LHCGR: variants seen among roughly 807,000 people sequenced by gnomAD.
LHCGR encodes lutropin-choriogonadotropic hormone receptor.
In LHCGR, 55 loss-of-function variants were observed where a neutral mutation model predicts 60.7. The ratio of observed to expected loss-of-function variants is 0.91; its 90% confidence interval spans 0.73 to 1.13. The LOEUF (loss-of-function observed/expected upper bound fraction) is 1.13, where lower values mean the gene tolerates loss of function less well. Among genes scored for constraint, LHCGR ranks in the 50% most tolerant of loss-of-function variants. The probability of loss-of-function intolerance (pLI) is 0.00; values close to 1 mark genes in which losing one functional copy is unlikely to be tolerated. For synonymous variants in LHCGR, 337 were observed against 316.5 expected (o/e 1.06, Z -0.69); for missense variants, 862 against 836.0 (o/e 1.03, Z -0.38).
rs1488326012 is a variant in LHCGR, at chr2:48,743,247, C to T, written c.162-11949G>A. On this transcript the variant is annotated intron_variant, in intron 1 of 10. Transcript: ENST00000294954. Reference sequence around the variant, plus strand: ...GTCCAGGACCAGATGGATTCACAGCCGAATTCTACCAGAGGTACAAGGAGG... The same window carrying T: ...GTCCAGGACCAGATGGATTCACAGCTGAATTCTACCAGAGGTACAAGGAGG... Among the ~76,000 whole-genome samples the T allele has an allele frequency of 2.8e-4, 42 of 151,754 alleles. No individual in the cohort carries two copies. In the East Asian group the frequency reaches 6.0e-3, roughly 22 times the overall value.
chr2:48,753,369 G>A (rs2103755615), intron 1 of LHCGR, among the ~76,000 whole-genome samples: 1 of 152,276 alleles, frequency 6.6e-6, no homozygotes, highest in East Asian at 1.9e-4. Context: ...GCCTGCATAG[G>A]CTCAACCTCC....
chr2:48,749,759 A>G (rs1381429901), intron 1 of LHCGR, among the ~76,000 whole-genome samples: 1 of 151,572 alleles, frequency 6.6e-6, no homozygotes, highest in African/African-American at 2.4e-5. Flanking sequence ...CCAAGGAATT[A>G]CTACTCTCCA....
intron 6 of LHCGR, among the ~76,000 whole-genome samples, chr2:48,722,527 A>G (rs1006648521): frequency 6.6e-6 from 1 of 152,096 alleles, no homozygotes; most frequent in East Asian, 1.9e-4. Context: ...CCATCCCCCT[A>G]GTGCTGTTCT....
chr2:48,726,421 G>A (rs547425246), intron 3 of LHCGR, among the ~76,000 whole-genome samples: 147 of 152,310 alleles, frequency 9.7e-4, no homozygotes, highest in African/African-American at 3.2e-3. Flanking sequence ...AGAACAGGTA[G>A]AGATAATATG....
intron 3 of LHCGR, among the ~76,000 whole-genome samples, chr2:48,725,965 T>G (rs1192832178): frequency 6.6e-6 from 1 of 152,130 alleles, no homozygotes; most frequent in African/African-American, 2.4e-5. Context: ...CTCTCAAGCT[T>G]CTAAAGAGGT....
intron 1 of LHCGR, among the ~76,000 whole-genome samples, chr2:48,752,875 GAA>G (rs374661878): frequency 0.012 from 1,792 of 145,316 alleles, 43 homozygotes; most frequent in African/African-American, 0.043. Flanking sequence ...CCTCTTTGAG[GAA>G]AAAAAAAACT....
At chr2:48,702,000 C>T (rs144741439) in intron 8 of LHCGR, among the ~76,000 whole-genome samples, 3 of 152,272 alleles carry the variant, frequency 2.0e-5, no homozygotes, top group African/African-American at 7.2e-5. Context: ...CTGTTCACCA[C>T]GGTGCCTGGT....
At position 48,698,595 on chromosome 2, in the gene LHCGR, A is replaced by G; in HGVS notation, c.866+20T>C. ...TTCTGCCACAGCTTGGGTAGGCTTT[A>G]CCTTTTGGTTTCTACTTACTCTTTT... is the stretch of plus-strand genomic sequence containing the variant. On this transcript the variant is annotated intron_variant, in intron 9 of 10. Coordinates refer to ENST00000294954, the MANE Select transcript of LHCGR (RefSeq NM_000233.4). The G allele has an allele frequency of 1.2e-6, 2 of 1,605,966 alleles. No individual in the cohort carries two copies. The highest frequency in any genetic ancestry group is 1.7e-6 in the Non-Finnish European group (2 of 1,173,114).
At chr2:48,702,587 T>C (rs1424040111) in intron 8 of LHCGR, among the ~76,000 whole-genome samples, 1 of 152,202 alleles carries the variant, frequency 6.6e-6, no homozygotes, top group Non-Finnish European at 1.5e-5. Context: ...GCAAAGGACA[T>C]GAACTTATCC....
chr2:48,704,648 T>C (rs1444068023), intron 8 of LHCGR, among the ~76,000 whole-genome samples: 1 of 152,240 alleles, frequency 6.6e-6, no homozygotes, highest in Non-Finnish European at 1.5e-5. Flanking sequence ...ATTTATCCAT[T>C]TCTTCTAGAT....
chr2:48,706,299 C>G (rs1308157993), intron 8 of LHCGR, among the ~76,000 whole-genome samples: 2 of 152,142 alleles, frequency 1.3e-5, no homozygotes, highest in African/African-American at 4.8e-5. Flanking sequence ...GTGGGTAACC[C>G]AACCCTTCTC....
At position 48,723,470 on chromosome 2, in the gene LHCGR, A is replaced by G. The variant is rs1668587692; in HGVS notation, c.522T>C (p.Asn174=). ...IPGNAFQGMN[N]ESVTLKLYGN... ...AGTTTACTCACAGTGTTACAGATTC[A>G]TTATTCATCCCTTGAAAAGCATTTC... Residue 174 remains asparagine (N), a synonymous_variant, in exon 6 of 11, where the codon AAT becomes AAC. Coordinates refer to ENST00000294954, the MANE Select transcript of LHCGR (RefSeq NM_000233.4). 1 of 1,609,592 alleles carries G rather than the reference A, an allele frequency of 6.2e-7. No individual in the cohort carries two copies. The highest frequency in any genetic ancestry group is 1.3e-5 in the African/African-American group (1 of 74,994).
At chr2:48,707,490 C>A (rs544627775) in intron 8 of LHCGR, among the ~76,000 whole-genome samples, 1 of 152,218 alleles carries the variant, frequency 6.6e-6, no homozygotes, top group African/African-American at 2.4e-5. Flanking sequence ...GAAGTTGTGC[C>A]CACAGCTGCC....
intron 1 of LHCGR, among the ~76,000 whole-genome samples, chr2:48,745,777 C>T (rs967712647): frequency 6.6e-6 from 1 of 150,854 alleles, no homozygotes; most frequent in Non-Finnish European, 1.5e-5. Context: ...AGCGCACCAG[C>T]ATGGCACATG....
Position 48,687,752 on chromosome 2 carries a change from G to C in LHCGR, c.2045C>G (p.Thr682Arg). 1 of 1,614,112 alleles carries C rather than the reference G, an allele frequency of 6.2e-7. No homozygotes were observed. Among genetic ancestry groups the C allele is most frequent in the Admixed American group, 1.7e-5 (1 of 60,022 alleles). ...GAGAGCTGTACCTTGACAGTGCAAT[G>C]TGGACAACTTCAAGGTGGATTGAGA... ...KPSQSTLKLS[T>R]LHCQGTALLD... Residue 682 changes from threonine to arginine, a missense_variant, in exon 11 of 11, where the codon ACA (threonine) becomes AGA (arginine). Transcript: ENST00000294954.
At chr2:48,743,724 C>G (rs1669576264) in intron 1 of LHCGR, among the ~76,000 whole-genome samples, 9 of 152,024 alleles carry the variant, frequency 5.9e-5, no homozygotes, top group Non-Finnish European at 1.5e-5. Context: ...ATGACAAACC[C>G]ACAGCCAATA....
At chr2:48,699,277 T>G (rs1213146936) in intron 8 of LHCGR, among the ~76,000 whole-genome samples, 3 of 152,150 alleles carry the variant, frequency 2.0e-5, no homozygotes, top group African/African-American at 7.2e-5. Context: ...GAGTCTGTAT[T>G]TTTTCTCATG....
At chr2:48,709,396 G>A (rs1018139059) in intron 7 of LHCGR, among the ~76,000 whole-genome samples, 1 of 152,208 alleles carries the variant, frequency 6.6e-6, no homozygotes, top group Non-Finnish European at 1.5e-5. Flanking sequence ...CCTACTCTTT[G>A]TTAGCCTCTC....
rs150570778 is a variant in LHCGR at position 48,731,731 on chromosome 2, T to G, written c.162-433A>C. On this transcript the variant is annotated intron_variant, in intron 1 of 10. Transcript: ENST00000294954. ...TGGCACCAAGTATATAGTTAAATAGTTGTAGAGTGATCCTATAGACTTGAT... is the reference window on the plus strand; with the variant it reads ...TGGCACCAAGTATATAGTTAAATAGGTGTAGAGTGATCCTATAGACTTGAT... 2.0e-3 allele frequency among the ~76,000 whole-genome samples: 301 copies of G among 152,276 alleles called. 2 individuals are homozygous for G. Among genetic ancestry groups the G allele is most frequent in the South Asian group, 0.013 (64 of 4,828 alleles).
Sources: gnomAD v4.1 joint callset for allele counts (sites outside exome capture counted in the v4.1 genomes callset) on GRCh38, gnomAD v4.1.1 for gene constraint, MANE v1.5 for transcripts, NCBI Gene and HGNC (gene_info 2026-07-23, HGNC 2026-07-21) for gene names.